The following GABRA3 variants were observed in gnomAD, a reference collection of about 807,000 sequenced individuals.
GABRA3 encodes the protein gamma-aminobutyric acid receptor subunit alpha-3.
Under a neutral mutation model 30.1 loss-of-function variants are expected in GABRA3, and 10 were observed. The observed-to-expected ratio is 0.33, with a 90% CI of 0.20 to 0.56. The LOEUF (loss-of-function observed/expected upper bound fraction) is 0.56. Among genes scored for constraint, GABRA3 ranks in the 20% least tolerant of loss-of-function variants. The probability of loss-of-function intolerance (pLI) is 0.89; values close to 1 mark genes in which losing one functional copy is unlikely to be tolerated. For synonymous variants in GABRA3, 151 were observed against 146.8 expected (o/e 1.03, Z -0.21); for missense variants, 233 against 392.0 (o/e 0.59, Z 3.42).
At chrX:152,442,177 G>A (rs1387812815) in intron 1 of GABRA3, among the ~76,000 whole-genome samples, 2 of 111,069 alleles carry the variant, frequency 1.8e-5, no homozygotes, top group African/African-American at 3.3e-5. Context: ...TGAGTGTCAC[G>A]TTTGGAGGGA....
intron 1 of GABRA3, among the ~76,000 whole-genome samples, chrX:152,428,209 C>T (rs183050179): frequency 3.6e-5 from 4 of 111,774 alleles, no homozygotes; most frequent in South Asian, 7.5e-4. Flanking sequence ...ATACAACTGG[C>T]CCCGTCCTAA....
At chrX:152,223,872 T>C (rs1363795275) in intron 6 of GABRA3, among the ~76,000 whole-genome samples, 1 of 110,623 alleles carries the variant, frequency 9.0e-6, no homozygotes, top group Non-Finnish European at 1.9e-5. Flanking sequence ...TACCCTTTAA[T>C]CCATTATTTT....
chrX:152,210,782 A>G (rs1295183762), intron 6 of GABRA3, among the ~76,000 whole-genome samples: 2 of 112,033 alleles, frequency 1.8e-5, no homozygotes, highest in Non-Finnish European at 3.8e-5. Context: ...ATGATTCCTT[A>G]TAATTCCACC....
intron 1 of GABRA3, among the ~76,000 whole-genome samples, chrX:152,408,023 C>T (rs894707317): frequency 1.8e-5 from 2 of 111,345 alleles, no homozygotes; most frequent in Non-Finnish European, 3.8e-5. Flanking sequence ...TAAAATTCAA[C>T]ATCCCTTCAT....
intron 9 of GABRA3, among the ~76,000 whole-genome samples, chrX:152,172,554 C>G (rs768004461): frequency 1.7e-4 from 19 of 111,463 alleles, no homozygotes; most frequent in African/African-American, 6.2e-4. Flanking sequence ...AAGTGTCCAT[C>G]GAGAGAACAA....
chrX:152,241,284 G>C (rs1488198835), intron 5 of GABRA3, among the ~76,000 whole-genome samples: 5 of 88,667 alleles, frequency 5.6e-5, no homozygotes, highest in African/African-American at 1.0e-4. Context: ...GCCCCTGCTG[G>C]GGGGTGCCTC....
At chrX:152,183,116 A>T (rs1460423013) in intron 9 of GABRA3, among the ~76,000 whole-genome samples, 4 of 109,158 alleles carry the variant, frequency 3.7e-5, no homozygotes, top group Non-Finnish European at 5.7e-5. Context: ...ATTTTTTGGA[A>T]GAATTTGAGA....
chrX:152,293,665 A>G (rs1939467831), intron 3 of GABRA3, among the ~76,000 whole-genome samples: 1 of 112,047 alleles, frequency 8.9e-6, no homozygotes, highest in African/African-American at 3.2e-5. Flanking sequence ...TGATCCTGTC[A>G]TTATGATGTT....
intron 1 of GABRA3, among the ~76,000 whole-genome samples, chrX:152,444,741 TTTTTTTG>T (rs1931025078): frequency 2.5e-5 from 2 of 80,670 alleles, no homozygotes; most frequent in South Asian, 6.7e-4. Flanking sequence ...TGTGTTTTTT[TTTTTTTG>T]TTTTTTTTTG....
chrX:152,397,643 A>T (rs1929693275), intron 1 of GABRA3, among the ~76,000 whole-genome samples: 1 of 111,996 alleles, frequency 8.9e-6, no homozygotes. Flanking sequence ...TGAATGATCC[A>T]TCTATGACTT....
At chrX:152,306,200 T>C (rs1939717787) in intron 3 of GABRA3, among the ~76,000 whole-genome samples, 1 of 111,537 alleles carries the variant, frequency 9.0e-6, no homozygotes, top group Non-Finnish European at 1.9e-5. Flanking sequence ...GGAAGTGAAA[T>C]AAAGAGACCT....
intron 9 of GABRA3, among the ~76,000 whole-genome samples, chrX:152,170,060 A>G (rs113788544): frequency 2.0e-3 from 225 of 112,286 alleles, no homozygotes; most frequent in African/African-American, 6.6e-3. Flanking sequence ...GATAAATGGA[A>G]AGGGTAAAAC....
At chrX:152,370,924 C>A (rs1928820333) in intron 1 of GABRA3, among the ~76,000 whole-genome samples, 1 of 111,046 alleles carries the variant, frequency 9.0e-6, no homozygotes, top group Non-Finnish European at 1.9e-5. Context: ...TCATCATCTT[C>A]ACGTTCTCAT....
At chrX:152,254,854 G>A (rs1237007980) in intron 5 of GABRA3, among the ~76,000 whole-genome samples, 1 of 111,796 alleles carries the variant, frequency 8.9e-6, no homozygotes, top group Non-Finnish European at 1.9e-5. Context: ...AATGTGGAAG[G>A]AAGCTTCAGG....
intron 4 of GABRA3, among the ~76,000 whole-genome samples, chrX:152,281,082 G>A (rs1263315900): frequency 9.0e-6 from 1 of 110,991 alleles, no homozygotes; most frequent in Non-Finnish European, 1.9e-5. Context: ...AGCTAGGTCA[G>A]AAGGGAATTT....
chrX:152,269,538 T>C (rs765138049), intron 4 of GABRA3, among the ~76,000 whole-genome samples: 3 of 112,225 alleles, frequency 2.7e-5, no homozygotes, highest in Admixed American at 1.9e-4. Flanking sequence ...AAAGCAATCC[T>C]GAGCAAAAAG....
rs1331261732 is a variant in GABRA3 at position 152,212,284 on chromosome X, C to CA, written c.635-4141dup. ...AGGCAATAGAGCAAGGCCTTTGTCT[C>CA]AAAAAAAAAAAAAAAAAAAAAAAAA... On this transcript the variant is annotated intron_variant, in intron 6 of 9. Coordinates refer to ENST00000370314, the MANE Select transcript of GABRA3 (RefSeq NM_000808.4). Among the ~76,000 whole-genome samples the CA allele has an allele frequency of 1.5e-4, 4 of 26,432 alleles. 2 individuals carry two copies. The highest frequency in any genetic ancestry group is 8.9e-4 in the African/African-American group (4 of 4,509). The allele number at this position is 26,432 out of a possible 115,157, so 23.0% of individuals were successfully genotyped here. A position where few individuals can be genotyped will look rare whatever the true frequency, so the allele number is the denominator to read the frequency against.
Position 152,232,969 on chromosome X carries a change from A to T in GABRA3, c.552-8124T>A, listed in dbSNP as rs780651595. ...TTCTCTTTTACCTGCATCCTTGTCA[A>T]CATCTGTTTTTTTGTTTGTTTGTTT... On this transcript the variant is annotated intron_variant, in intron 5 of 9. Coordinates refer to ENST00000370314, the MANE Select transcript of GABRA3 (RefSeq NM_000808.4). Among the ~76,000 whole-genome samples, 7 of 110,932 alleles carry T rather than the reference A, an allele frequency of 6.3e-5. No individual in the cohort carries two copies. In the South Asian group the frequency reaches 2.7e-3, roughly 42 times the overall value.
In GABRA3 at chrX:152,316,121, C is replaced by T. The variant is rs58026088; in HGVS notation, c.262+29460G>A. Among the ~76,000 whole-genome samples, 69 of 109,241 alleles carry T rather than the reference C, an allele frequency of 6.3e-4. 1 individual carries two copies. In the East Asian group the frequency reaches 0.013, roughly 21 times the overall value. The allele number at this position is 109,241 out of a possible 115,157, so 94.9% of individuals were successfully genotyped here. The stretch of plus-strand genomic sequence containing the variant: ...GGTCCTCACAGAATCCATTTCACTC[C>T]GCTGCCACCTCCACTGGAGCAGGTG... On this transcript the variant is annotated intron_variant, in intron 3 of 9. Coordinates refer to ENST00000370314, the MANE Select transcript of GABRA3 (RefSeq NM_000808.4).
Sources: allele counts gnomAD v4.1 joint callset (sites outside exome capture counted in the v4.1 genomes callset), GRCh38; gene constraint gnomAD v4.1.1; transcripts MANE v1.5; gene names NCBI Gene and HGNC (gene_info 2026-07-23, HGNC 2026-07-21).